The following SAMD13 variants were observed in gnomAD, a reference collection of about 807,000 sequenced individuals.
SAMD13 encodes the protein sterile alpha motif domain containing 13.
A neutral mutation model predicts 12.4 loss-of-function variants in SAMD13; 9 were observed. The observed-to-expected ratio is 0.72, with a 90% confidence interval of 0.44 to 1.26. The LOEUF (loss-of-function observed/expected upper bound fraction) is 1.26. Ranked by LOEUF, SAMD13 falls within the 50% of genes most tolerant of loss-of-function variation. SAMD13 has a pLI of 0.00. For missense variants in SAMD13, 84 were observed against 119.6 expected, an observed-to-expected ratio of 0.70 and a Z score of 1.39; for synonymous variants, 46 against 45.4, an observed-to-expected ratio of 1.01 and a Z score of -0.05.
intron 2 of SAMD13, chr1:84,303,496 A>C: frequency 2.3e-6 from 1 of 441,106 alleles, no homozygotes; most frequent in Admixed American, 3.4e-5. Flanking sequence ...AGACATCAAA[A>C]TATATATGAA....
At chr1:84,315,977 C>A (rs966155682) in intron 2 of SAMD13, among the ~76,000 whole-genome samples, 6 of 151,940 alleles carry the variant, frequency 3.9e-5, no homozygotes, top group Admixed American at 6.6e-5. Context: ...GATTTTGAAC[C>A]TCTTTTCATA....
intron 3 of SAMD13, among the ~76,000 whole-genome samples, chr1:84,349,282 C>G (rs1193533295): frequency 2.6e-5 from 4 of 152,160 alleles, no homozygotes; most frequent in Non-Finnish European, 4.4e-5. Flanking sequence ...TCTGCATAAA[C>G]TTTAATAGAC....
intron 3 of SAMD13, among the ~76,000 whole-genome samples, chr1:84,333,104 T>G (rs1046535712): frequency 6.6e-6 from 1 of 152,052 alleles, no homozygotes; most frequent in African/African-American, 2.4e-5. Flanking sequence ...CATGCTATTT[T>G]GGTTACTGTA....
At chr1:84,315,319 A>G (rs1475288874) in intron 2 of SAMD13, among the ~76,000 whole-genome samples, 1 of 152,290 alleles carries the variant, frequency 6.6e-6, no homozygotes, top group Non-Finnish European at 1.5e-5. Flanking sequence ...GATACCTCAT[A>G]TAAGTGGAAT....
chr1:84,332,810 A>T (rs971027680), intron 3 of SAMD13, among the ~76,000 whole-genome samples: 1 of 152,198 alleles, frequency 6.6e-6, no homozygotes, highest in Admixed American at 6.5e-5. Context: ...GCCAGGGCGT[A>T]TGTCCAGAAT....
At chr1:84,320,532 G>A (rs1469577619) in intron 2 of SAMD13, among the ~76,000 whole-genome samples, 1 of 152,196 alleles carries the variant, frequency 6.6e-6, no homozygotes, top group Non-Finnish European at 1.5e-5. Flanking sequence ...GAAAGGAACG[G>A]AAATAACGCT....
At chr1:84,311,671 G>T (rs1282123123) in intron 2 of SAMD13, among the ~76,000 whole-genome samples, 1 of 151,816 alleles carries the variant, frequency 6.6e-6, no homozygotes, top group Non-Finnish European at 1.5e-5. Flanking sequence ...GAAAACACTG[G>T]TCTTTTTGTT....
At chr1:84,337,244 T>C (rs913122448) in intron 3 of SAMD13, among the ~76,000 whole-genome samples, 5 of 152,156 alleles carry the variant, frequency 3.3e-5, no homozygotes, top group African/African-American at 1.2e-4. Flanking sequence ...GTAGGGACTC[T>C]ATATGGGAGC....
At chr1:84,331,354 A>AAAC (rs1553201704) in intron 3 of SAMD13, among the ~76,000 whole-genome samples, 1 of 82,458 alleles carries the variant, frequency 1.2e-5, no homozygotes, top group Non-Finnish European at 2.4e-5. Flanking sequence ...AAAAAAAAAA[A>AAAC]AAAATTATGG....
At chr1:84,312,637 A>G (rs917155244) in intron 2 of SAMD13, among the ~76,000 whole-genome samples, 29 of 152,138 alleles carry the variant, frequency 1.9e-4, no homozygotes, top group Admixed American at 1.8e-3. Flanking sequence ...ACCAGAGAGG[A>G]CACATGAACC....
chr1:84,319,646 C>A (rs540927494), intron 2 of SAMD13, among the ~76,000 whole-genome samples: 4 of 147,992 alleles, frequency 2.7e-5, no homozygotes, highest in Non-Finnish European at 6.0e-5. Flanking sequence ...AAAAAAGGAG[C>A]ATTGTTATTT....
intron 3 of SAMD13, among the ~76,000 whole-genome samples, chr1:84,330,191 G>A (rs951774490): frequency 1.3e-5 from 2 of 152,100 alleles, no homozygotes; most frequent in African/African-American, 4.8e-5. Context: ...GCCTTTCTAG[G>A]ACTCAGATTT....
chr1:84,325,619 T>C lies in SAMD13; in HGVS notation c.54-18T>C, dbSNP rs779684955. On this transcript the variant is annotated intron_variant, in intron 2 of 3. Coordinates refer to ENST00000394834, the MANE Select transcript of SAMD13 (RefSeq NM_001134663.2). ...TGCAGGCACTGCCATGACAACTGTC[T>C]GGATTTGTGTTTTGCAGTTCCATGG... 18 of 1,484,972 alleles carry C rather than the reference T, an allele frequency of 1.2e-5. No homozygotes were observed. Among genetic ancestry groups the C allele is most frequent in the Non-Finnish European group, 1.7e-5 (18 of 1,063,006 alleles). The allele number at this position is 1,484,972 out of a possible 1,614,324, so 92.0% of individuals were successfully genotyped here.
At chr1:84,334,975 C>T (rs929662117) in intron 3 of SAMD13, among the ~76,000 whole-genome samples, 4 of 151,600 alleles carry the variant, frequency 2.6e-5, no homozygotes, top group Admixed American at 6.6e-5. Context: ...ATTGTGTGGT[C>T]GATTTTAGAG....
intron 2 of SAMD13, among the ~76,000 whole-genome samples, chr1:84,319,443 G>A (rs192578991): frequency 2.6e-5 from 4 of 152,036 alleles, no homozygotes; most frequent in Admixed American, 6.6e-5. Context: ...CCAACATGGC[G>A]AAACCCCATC....
intron 2 of SAMD13, among the ~76,000 whole-genome samples, chr1:84,313,655 G>T (rs954145964): frequency 6.6e-6 from 1 of 152,132 alleles, no homozygotes; most frequent in Non-Finnish European, 1.5e-5. Context: ...ATGCCCCCGA[G>T]CCCCTCAGTG....
intron 2 of SAMD13, among the ~76,000 whole-genome samples, chr1:84,319,095 T>C (rs1049383620): frequency 2.6e-5 from 4 of 152,164 alleles, no homozygotes; most frequent in African/African-American, 9.7e-5. Flanking sequence ...GTTTCTTTCT[T>C]GCTATTGAGA....
At chr1:84,306,111 A>ACAG (rs1267370752) in intron 2 of SAMD13, among the ~76,000 whole-genome samples, 3 of 152,164 alleles carry the variant, frequency 2.0e-5, no homozygotes, top group African/African-American at 7.2e-5. Context: ...ACAAATGAAC[A>ACAG]CAGTATTTTT....
At chr1:84,345,076 T>C (rs1429629994) in intron 3 of SAMD13, 3 of 456,588 alleles carry the variant, frequency 6.6e-6, no homozygotes, top group Non-Finnish European at 1.3e-5. Flanking sequence ...TTTTTATCTC[T>C]GGGCTCCAGA....
Sources: allele counts gnomAD v4.1 joint callset (sites outside exome capture counted in the v4.1 genomes callset), GRCh38; gene constraint gnomAD v4.1.1; transcripts MANE v1.5; gene names NCBI Gene and HGNC (gene_info 2026-07-23, HGNC 2026-07-21).